Variants in ABCG2 observed in about 807,000 individuals in gnomAD.
ABCG2 encodes ATP binding cassette subfamily G member 2 (JR blood group).
Under a neutral mutation model 73.5 loss-of-function variants are expected in ABCG2, and 80 were observed. The observed-to-expected ratio is 1.09, with a 90% confidence interval of 0.91 to 1.31. The LOEUF is 1.31. Among genes scored for constraint, ABCG2 ranks in the 50% most tolerant of loss-of-function variants. The pLI is 0.00. For missense variants in ABCG2, 796 were observed against 786.2 expected (o/e 1.01, Z -0.15); for synonymous variants, 269 against 282.4 (o/e 0.95, Z 0.48).
At chr4:88,146,861 C>A (rs1392048125) in intron 1 of ABCG2, among the ~76,000 whole-genome samples, 1 of 135,716 alleles carries the variant, frequency 7.4e-6, no homozygotes, top group Admixed American at 8.1e-5. Context: ...ACAGCGTAAC[C>A]CTGTCAAAAA....
chr4:88,172,786 A>G (rs1347155355), intron 1 of ABCG2, among the ~76,000 whole-genome samples: 1 of 151,884 alleles, frequency 6.6e-6, no homozygotes, highest in East Asian at 1.9e-4. Flanking sequence ...TGTATTCTCT[A>G]TTTTGCAGGA....
At chr4:88,181,355 GTGCCAC>G (rs1560741427) in intron 1 of ABCG2, among the ~76,000 whole-genome samples, 1 of 140,540 alleles carries the variant, frequency 7.1e-6, no homozygotes. Flanking sequence ...AGCCAAGACC[GTGCCAC>G]TGCACTCCAG....
intron 1 of ABCG2, among the ~76,000 whole-genome samples, chr4:88,226,495 G>C (rs528314705): frequency 6.6e-4 from 101 of 152,308 alleles, no homozygotes; most frequent in Admixed American, 9.8e-4. Context: ...GCAAGACTTA[G>C]TGATAATCAT....
chr4:88,131,038 T>C (rs943132018), intron 5 of ABCG2, 23 bp downstream of exon 5: 7 of 1,613,304 alleles, frequency 4.3e-6, no homozygotes, highest in Non-Finnish European at 5.1e-6. Context: ...CTGATCATGA[T>C]GCTTTCAGTT....
At chr4:88,131,970 T>G in intron 3 of ABCG2, 53 bp from the exon 4 acceptor site, 1 of 1,367,974 alleles carries the variant, frequency 7.3e-7, no homozygotes, top group East Asian at 2.4e-5. Context: ...AGAATATATA[T>G]GTTGTGGGGT....
At position 88,121,768 on chromosome 4, in the gene ABCG2, C is replaced by T. The variant is rs1269613107; in HGVS notation, c.556G>A (p.Val186Met). Residue 186 changes from valine (V) to methionine (M), a missense_variant, in exon 6 of 16, where the codon GTG becomes ATG. By Grantham distance (21) the Val-to-Met change is conservative. Coordinates refer to ENST00000237612, the MANE Select transcript of ABCG2 (RefSeq NM_004827.3). ...GTCCTTTTTCTTTCTCCTCCAGACACACCACGGATAAACTGAGTTCCAACC... is the reference window on the plus strand; with the variant it reads ...GTCCTTTTTCTTTCTCCTCCAGACATACCACGGATAAACTGAGTTCCAACC... ...SKVGTQFIRG[V>M]SGGERKRTSI... is the part of the protein sequence containing the mutation. The T allele has an allele frequency of 6.2e-6, 10 of 1,613,116 alleles. No individual in the cohort carries two copies. Among genetic ancestry groups the T allele is most frequent in the Admixed American group, 1.7e-5 (1 of 59,810 alleles).
intron 10 of ABCG2, 23 bp from the exon 11 acceptor site, chr4:88,101,342 A>C: frequency 1.3e-6 from 2 of 1,597,466 alleles, no homozygotes; most frequent in Non-Finnish European, 1.7e-6. Context: ...GGGGAACCAA[A>C]TCACCGCAGT....
chr4:88,137,504 A>C (rs1725334474), intron 2 of ABCG2, among the ~76,000 whole-genome samples: 1 of 152,228 alleles, frequency 6.6e-6, no homozygotes, highest in African/African-American at 2.4e-5. Context: ...GGATGAGATA[A>C]GAAAATACCA....
intron 1 of ABCG2, among the ~76,000 whole-genome samples, chr4:88,183,492 C>A (rs952999684): frequency 1.3e-5 from 2 of 152,032 alleles, no homozygotes. Flanking sequence ...CTTGAATACA[C>A]ACAACCAACT....
At chr4:88,127,945 C>CA (rs202145272) in intron 5 of ABCG2, among the ~76,000 whole-genome samples, 8,008 of 99,984 alleles carry the variant, frequency 0.08, 390 homozygotes, top group Admixed American at 0.19. Context: ...TTCTGCACAG[C>CA]AAAAAAAAAG....
intron 1 of ABCG2, among the ~76,000 whole-genome samples, chr4:88,230,492 T>C (rs1420992292): frequency 6.6e-6 from 1 of 151,768 alleles, no homozygotes; most frequent in Non-Finnish European, 1.5e-5. Flanking sequence ...CTGGCTCTGC[T>C]CCAAGTGGCC....
intron 10 of ABCG2, among the ~76,000 whole-genome samples, chr4:88,102,783 C>T (rs1388019721): frequency 6.6e-6 from 1 of 151,338 alleles, no homozygotes; most frequent in Non-Finnish European, 1.5e-5. Context: ...ATTTAAATGG[C>T]GTAAAAACAA....
At position 88,092,036 on chromosome 4, in the gene ABCG2, G is replaced by C. The variant is rs867937528; in HGVS notation, c.*198C>G. On this transcript the variant is annotated 3_prime_UTR_variant, in exon 16 of 16. Transcript: ENST00000237612. The stretch of plus-strand genomic sequence containing the variant: ...TGTCTGAGGAGATTAACTAATATGC[G>C]ATACATGATGTCTTGGGTTCTTTCA... 1 of 504,306 alleles carries C rather than the reference G, an allele frequency of 2.0e-6. No homozygotes were observed. The highest frequency in any genetic ancestry group is 3.5e-6 in the Non-Finnish European group (1 of 288,222). 31.2% of individuals were successfully genotyped at this position (504,306 alleles called of 1,614,324 possible).
chr4:88,106,561 T>A (rs1212121507), intron 10 of ABCG2, among the ~76,000 whole-genome samples: 1 of 152,138 alleles, frequency 6.6e-6, no homozygotes. Flanking sequence ...CTTAGAGTAG[T>A]CAAGTTCAGA....
intron 1 of ABCG2, among the ~76,000 whole-genome samples, chr4:88,181,703 C>G (rs539938606): frequency 7.2e-5 from 11 of 152,188 alleles, no homozygotes; most frequent in African/African-American, 2.6e-4. Context: ...TACACTACAG[C>G]CTGGATGACA....
intron 1 of ABCG2, among the ~76,000 whole-genome samples, chr4:88,158,027 T>C (rs941616108): frequency 2.0e-5 from 3 of 152,228 alleles, no homozygotes; most frequent in Non-Finnish European, 2.9e-5. Flanking sequence ...CCCTTTAAAA[T>C]ATTAACATCA....
In ABCG2 at chr4:88,218,957, C is replaced by T. The variant is rs143350905; in HGVS notation, c.-20+12037G>A. ...ATTGTAGCACCAAAGCAGCCATTGA[C>T]GGTAGGTAAATGAACAGGCGATACA... On this transcript the variant is annotated intron_variant, in intron 1 of 15. Transcript: ENST00000515655. Among the ~76,000 whole-genome samples the T allele has an allele frequency of 2.4e-3, 358 of 152,108 alleles. 3 individuals are homozygous for T. The highest frequency in any genetic ancestry group is 8.2e-3 in the African/African-American group (339 of 41,472).
At chr4:88,100,731 C>G (rs549903799) in intron 11 of ABCG2, among the ~76,000 whole-genome samples, 1 of 152,106 alleles carries the variant, frequency 6.6e-6, no homozygotes, top group African/African-American at 2.4e-5. Flanking sequence ...CCTTCCGGCT[C>G]GTGCCACTTC....
At chr4:88,160,227 G>A (rs531135434), upstream of ABCG2, among the ~76,000 whole-genome samples, 22 of 151,070 alleles carry the variant, frequency 1.5e-4, no homozygotes, top group African/African-American at 4.8e-4. Context: ...GGGCCACAGA[G>A]TGAGACTCTG....
Sources: gnomAD v4.1 joint callset for allele counts (sites outside exome capture counted in the v4.1 genomes callset) on GRCh38, gnomAD v4.1.1 for gene constraint, MANE v1.5 for transcripts, NCBI Gene and HGNC (gene_info 2026-07-23, HGNC 2026-07-21) for gene names.